The following PLCL2 variants were observed in gnomAD, a reference collection of about 807,000 sequenced individuals.
PLCL2 encodes phospholipase C like 2.
In PLCL2, 4 loss-of-function variants were observed where a neutral mutation model predicts 79.6. The observed-to-expected ratio is 0.05, with a 90% CI of 0.02 to 0.11. The LOEUF is 0.11. Ranked by LOEUF, PLCL2 falls within the 10% of genes least tolerant of loss-of-function variation. The pLI, the probability that PLCL2 is intolerant of heterozygous loss-of-function variation, is 1.00. For missense variants in PLCL2, 895 were observed against 1,291.0 expected (o/e 0.69, Z 4.70); for synonymous variants, 484 against 457.7 (o/e 1.06, Z -0.73).
chr3:16,930,603 T>A (rs1030711876), intron 1 of PLCL2, among the ~76,000 whole-genome samples: 2 of 152,212 alleles, frequency 1.3e-5, no homozygotes, highest in African/African-American at 4.8e-5. Context: ...TTCTTCAGCC[T>A]CTGTTCGTCT....
At chr3:16,999,585 G>C (rs1559513316) in intron 1 of PLCL2, among the ~76,000 whole-genome samples, 1 of 152,122 alleles carries the variant, frequency 6.6e-6, no homozygotes, top group Non-Finnish European at 1.5e-5. Flanking sequence ...GTATTATTTT[G>C]ATGGCTATTT....
chr3:16,944,429 A>G (rs1425241274), intron 1 of PLCL2, among the ~76,000 whole-genome samples: 4 of 152,134 alleles, frequency 2.6e-5, no homozygotes, highest in African/African-American at 9.7e-5. Context: ...CTCAAAATTC[A>G]TCTGTTGAAG....
At chr3:16,898,499 C>T (rs1441720968) in intron 1 of PLCL2, among the ~76,000 whole-genome samples, 1 of 152,144 alleles carries the variant, frequency 6.6e-6, no homozygotes, top group African/African-American at 2.4e-5. Context: ...GAATGCTACC[C>T]GGAGGGGTCT....
chr3:17,047,506 G>A (rs1268092273), intron 4 of PLCL2, among the ~76,000 whole-genome samples: 1 of 152,188 alleles, frequency 6.6e-6, no homozygotes, highest in African/African-American at 2.4e-5. Context: ...AAGCTCCAGC[G>A]TATTTTCATG....
At chr3:16,931,448 G>A (rs779989961) in intron 1 of PLCL2, among the ~76,000 whole-genome samples, 6 of 152,020 alleles carry the variant, frequency 3.9e-5, no homozygotes, top group South Asian at 2.1e-4. Context: ...AAAAAAGCAC[G>A]TAAATGTTCT....
chr3:17,032,578 C>G (rs774320742), intron 3 of PLCL2, among the ~76,000 whole-genome samples: 1 of 152,018 alleles, frequency 6.6e-6, no homozygotes, highest in Non-Finnish European at 1.5e-5. Flanking sequence ...CTCCTCCCAG[C>G]CTAACAAATG....
Position 17,071,856 on chromosome 3 carries a change from T to G in PLCL2, c.3204+3791T>G, listed in dbSNP as rs567213807. ...TTTTTTTCTTTTTTGAGATGGAGTC[T>G]CACTCTGTCACCCAGGCTGGAGTCC... On this transcript the variant is annotated intron_variant, in intron 5 of 5. Transcript: ENST00000615277. Among the ~76,000 whole-genome samples the G allele has an allele frequency of 7.2e-5, 11 of 151,958 alleles. No individual in the cohort carries two copies. In the South Asian group the frequency reaches 2.3e-3, roughly 32 times the overall value.
Position 16,908,146 on chromosome 3 carries a change from A to C in PLCL2, c.327+22780A>C, listed in dbSNP as rs146988943. The stretch of plus-strand genomic sequence containing the variant: ...AATGGACACAAATAGAGAGAATAGT[A>C]TGATAAACTCTTATATACCCATCTC... On this transcript the variant is annotated intron_variant, in intron 1 of 5. Coordinates refer to ENST00000615277, the MANE Select transcript of PLCL2 (RefSeq NM_001144382.2). Among the ~76,000 whole-genome samples the C allele has an allele frequency of 5.1e-3, 779 of 152,330 alleles. 3 individuals are homozygous for C. The highest frequency in any genetic ancestry group is 0.031 in the Middle Eastern group (9 of 294).
chr3:17,081,353 C>A, intron 5 of PLCL2: 1 of 428,164 alleles, frequency 2.3e-6, no homozygotes, highest in South Asian at 1.7e-5. Context: ...AACATCCAAG[C>A]ATGTGGCCAT....
chr3:16,961,544 T>C (rs2063754672), intron 1 of PLCL2, among the ~76,000 whole-genome samples: 1 of 152,044 alleles, frequency 6.6e-6, no homozygotes, highest in East Asian at 1.9e-4. Flanking sequence ...AAGATTCAGG[T>C]GAAGGGTAAC....
chr3:16,896,768 T>G (rs1044511718), intron 1 of PLCL2, among the ~76,000 whole-genome samples: 9 of 152,180 alleles, frequency 5.9e-5, no homozygotes, highest in African/African-American at 2.2e-4. Flanking sequence ...GAACACTTAT[T>G]CTGCCTAATC....
At chr3:17,077,467 C>T (rs889854231) in intron 5 of PLCL2, among the ~76,000 whole-genome samples, 14 of 152,104 alleles carry the variant, frequency 9.2e-5, no homozygotes, top group African/African-American at 3.4e-4. Context: ...AGTTTTGCTG[C>T]TGTTTGTGGC....
At chr3:16,951,630 T>G (rs2063653307) in intron 1 of PLCL2, among the ~76,000 whole-genome samples, 1 of 152,186 alleles carries the variant, frequency 6.6e-6, no homozygotes, top group African/African-American at 2.4e-5. Context: ...TCTCATTTTC[T>G]AAACCAGCAT....
Position 17,027,960 on chromosome 3 carries a change from G to A in PLCL2, c.3018+13049G>A, listed in dbSNP as rs1426932352. 2.0e-5 allele frequency among the ~76,000 whole-genome samples: 3 copies of A among 152,330 alleles called. 1 individual carries two copies. The highest frequency in any genetic ancestry group is 1.9e-4 in the East Asian group (1 of 5,194). On this transcript the variant is annotated intron_variant, in intron 3 of 5. Transcript: ENST00000615277. Reference sequence around the variant, plus strand: ...GAAGTGGTGACAATCCACCTGAGCTGTGTGCTATAACTCAATAACATTTGT... The same window carrying A: ...GAAGTGGTGACAATCCACCTGAGCTATGTGCTATAACTCAATAACATTTGT...
chr3:16,892,958 T>C (rs1413020781), intron 1 of PLCL2, among the ~76,000 whole-genome samples: 2 of 152,238 alleles, frequency 1.3e-5, no homozygotes, highest in Non-Finnish European at 2.9e-5. Context: ...ATGACTTTGA[T>C]TTTTTCTTTC....
intron 4 of PLCL2, among the ~76,000 whole-genome samples, chr3:17,055,828 A>G (rs79351714): frequency 6.6e-6 from 1 of 152,070 alleles, no homozygotes; most frequent in Non-Finnish European, 1.5e-5. Flanking sequence ...TCTCACAGGG[A>G]GAGTGTGAGT....
intron 1 of PLCL2, among the ~76,000 whole-genome samples, chr3:16,962,870 A>G (rs978274220): frequency 6.6e-6 from 1 of 152,208 alleles, no homozygotes; most frequent in African/African-American, 2.4e-5. Context: ...ATACATACAC[A>G]TACATACATA....
intron 1 of PLCL2, among the ~76,000 whole-genome samples, chr3:17,003,626 C>T (rs1164635521): frequency 1.3e-5 from 2 of 152,148 alleles, no homozygotes; most frequent in Non-Finnish European, 2.9e-5. Context: ...ACCTGGGCCT[C>T]AGGAATGGGC....
intron 1 of PLCL2, among the ~76,000 whole-genome samples, chr3:16,894,982 A>G (rs557631567): frequency 2.6e-5 from 4 of 152,098 alleles, no homozygotes; most frequent in Admixed American, 1.3e-4. Context: ...TTAAATGCCA[A>G]TGTAATTATT....
Sources: gnomAD v4.1 joint callset for allele counts (sites outside exome capture counted in the v4.1 genomes callset) on GRCh38, gnomAD v4.1.1 for gene constraint, MANE v1.5 for transcripts, NCBI Gene and HGNC (gene_info 2026-07-23, HGNC 2026-07-21) for gene names.